COMMD5: variants seen among roughly 807,000 people sequenced by gnomAD.
The protein encoded by COMMD5 is COMM domain-containing protein 5.
In COMMD5, 10 loss-of-function variants were observed where a neutral mutation model predicts 6.9. The observed-to-expected ratio is 1.44, with a 90% confidence interval of 0.89 to 2.45. COMMD5 has a LOEUF of 2.45. Ranked by LOEUF, COMMD5 falls within the 30% of genes most tolerant of loss-of-function variation. The pLI, the probability that COMMD5 is intolerant of heterozygous loss-of-function variation, is 0.00. For missense variants in COMMD5, 234 were observed against 287.8 expected, an observed-to-expected ratio of 0.81 and a Z score of 1.35; for synonymous variants, 127 against 125.3, an observed-to-expected ratio of 1.01 and a Z score of -0.09.
At chr8:144,839,287 G>A (rs374592496), downstream of COMMD5, among the ~76,000 whole-genome samples, 4 of 152,322 alleles carry the variant, frequency 2.6e-5, no homozygotes, top group African/African-American at 7.2e-5. Flanking sequence ...GCCTCTTCAC[G>A]CCCTGTGGGC....
chr8:144,848,948 G>A (rs374786928), downstream of COMMD5, among the ~76,000 whole-genome samples: 7 of 152,284 alleles, frequency 4.6e-5, no homozygotes, highest in South Asian at 2.1e-4. Context: ...CTGGGTCCCC[G>A]CTTGAGACAA....
downstream of COMMD5, among the ~76,000 whole-genome samples, chr8:144,849,582 G>A (rs533835998): frequency 6.6e-6 from 1 of 152,140 alleles, no homozygotes; most frequent in African/African-American, 2.4e-5. Flanking sequence ...AGTGCTCCAC[G>A]GAGGCAGGAA....
At chr8:144,838,728 G>C (rs1441541783), downstream of COMMD5, 1 of 152,436 alleles carries the variant, frequency 6.6e-6, no homozygotes, top group Non-Finnish European at 1.5e-5. Context: ...GGATCACGAG[G>C]TCAGGAGATC....
chr8:144,842,283 A>G (rs1156320896), intron 1 of COMMD5: 1 of 1,614,048 alleles, frequency 6.2e-7, no homozygotes, highest in Non-Finnish European at 8.5e-7. Flanking sequence ...CTCAAATTCT[A>G]AAAGCCTCAG....
At chr8:144,844,273 A>AC (rs1012082326) in intron 1 of COMMD5, among the ~76,000 whole-genome samples, 160 of 151,158 alleles carry the variant, frequency 1.1e-3, no homozygotes, top group African/African-American at 3.4e-3. Context: ...GCAAGTACCA[A>AC]CCCCCCCATC....
intron 1 of COMMD5, chr8:144,841,895 C>T (rs372752942): frequency 2.1e-5 from 34 of 1,613,924 alleles, no homozygotes; most frequent in East Asian, 4.5e-5. Flanking sequence ...AGGCTCTGCT[C>T]GCAGCTTAAT....
chr8:144,843,247 CT>C, intron 1 of COMMD5: 2 of 1,433,884 alleles, frequency 1.4e-6, no homozygotes, highest in Non-Finnish European at 1.9e-6. Flanking sequence ...ATCGTTTATA[CT>C]GACAAACATG....
exon 2 of COMMD5, chr8:144,841,086 C>T (rs1041855953): frequency 6.7e-6 from 3 of 445,246 alleles, no homozygotes; most frequent in Non-Finnish European, 1.2e-5. Flanking sequence ...ACACCAGTGC[C>T]TGTAGGATGG....
chr8:144,844,807 AG>A (rs2130750508), intron 1 of COMMD5, among the ~76,000 whole-genome samples: 1 of 149,006 alleles, frequency 6.7e-6, no homozygotes, highest in Admixed American at 6.7e-5. Flanking sequence ...GGGTGATGAG[AG>A]GGAGTGGGGA....
At position 144,851,198 on chromosome 8, in the gene COMMD5, CG is replaced by C. The variant is rs776661156; in HGVS notation, c.140del (p.Thr47SerfsTer6). On this transcript the variant is annotated frameshift_variant, in exon 2 of 2. Transcript: ENST00000305103. LOFTEE classifies it low-confidence loss of function (END_TRUNC). ...ARLLGDLDRS[T>X]FRKLLKFVVS... ...CCACAAACTTCAGCAACTTTCTGAA[CG>C]TGCTCCTGTCTAGGTCCCCTAGTAG... is the stretch of plus-strand genomic sequence containing the variant. The C allele has an allele frequency of 1.2e-6, 2 of 1,613,902 alleles. No individual in the cohort carries two copies. Among genetic ancestry groups the C allele is most frequent in the Non-Finnish European group, 1.7e-6 (2 of 1,180,052 alleles).
chr8:144,843,316 G>A (rs1444739013), intron 1 of COMMD5: 5 of 1,052,838 alleles, frequency 4.7e-6, no homozygotes, highest in African/African-American at 3.2e-5. Context: ...CAGGCCGAGT[G>A]TGGTGGCTTA....
At chr8:144,843,386 G>A (rs537540021) in intron 1 of COMMD5, 76 of 488,966 alleles carry the variant, frequency 1.6e-4, no homozygotes, top group Non-Finnish European at 1.3e-4. Context: ...TCAGGAGGTT[G>A]AGACCATCCT....
chr8:144,850,431 G>A lies in COMMD5; in HGVS notation c.*233C>T. The A allele has an allele frequency of 1.9e-6, 1 of 534,972 alleles. No homozygotes were observed. Among genetic ancestry groups the A allele is most frequent in the Non-Finnish European group, 3.3e-6 (1 of 304,754 alleles). 33.1% of individuals were successfully genotyped at this position (534,972 alleles called of 1,614,324 possible). On this transcript the variant is annotated 3_prime_UTR_variant, in exon 2 of 2. Coordinates refer to ENST00000305103, the MANE Select transcript of COMMD5 (RefSeq NM_014066.4). The surrounding 1 kb of genome is among the most constrained non-coding windows in gnomAD (Gnocchi z 4.0). ...TGTACAGGGAAGGGGAGGGTGTGAG[G>A]TCCAACACTCACCTATAGAAACATG...
At chr8:144,838,352 C>G, downstream of COMMD5, 3 of 567,942 alleles carry the variant, frequency 5.3e-6, no homozygotes, top group Non-Finnish European at 9.5e-6. Flanking sequence ...AGGACTTCAG[C>G]CTATCTTGGG....
At chr8:144,844,271 C>A (rs1830353101) in intron 1 of COMMD5, among the ~76,000 whole-genome samples, 1 of 152,188 alleles carries the variant, frequency 6.6e-6, no homozygotes, top group African/African-American at 2.4e-5. Flanking sequence ...ATGCAAGTAC[C>A]AACCCCCCCA....
chr8:144,850,663 G>A lies in COMMD5; in HGVS notation c.*1C>T. The A allele has an allele frequency of 6.2e-7, 1 of 1,610,552 alleles. No homozygotes were observed. Among genetic ancestry groups the A allele is most frequent in the South Asian group, 1.1e-5 (1 of 90,964 alleles). Reference sequence around the variant, plus strand: ...CTGAATGGGACTGGTCAAGTGAGGGGTCAGTCCTGCAGTCTGCGCTCACAC... The same window carrying A: ...CTGAATGGGACTGGTCAAGTGAGGGATCAGTCCTGCAGTCTGCGCTCACAC... On this transcript the variant is annotated 3_prime_UTR_variant, in exon 2 of 2. Transcript: ENST00000305103. This position sits in a 1 kb window ranked among gnomAD's most constrained non-coding sequence, Gnocchi z 4.0.
downstream of COMMD5, among the ~76,000 whole-genome samples, chr8:144,850,009 G>A (rs1830664393): frequency 6.6e-6 from 1 of 151,884 alleles, no homozygotes. The surrounding 1 kb of genome is among the most constrained non-coding windows in gnomAD (Gnocchi z 4.0). Flanking sequence ...TCCCCACACT[G>A]GCCGCCTGAG....
chr8:144,842,982 A>G (rs1454780587), intron 1 of COMMD5: 1 of 1,614,110 alleles, frequency 6.2e-7, no homozygotes, highest in African/African-American at 1.3e-5. Flanking sequence ...TGAGCCGTAA[A>G]AAGGTTAATA....
chr8:144,842,967 C>T (rs1214248682), intron 1 of COMMD5: 2 of 1,614,078 alleles, frequency 1.2e-6, no homozygotes, highest in African/African-American at 1.3e-5. Flanking sequence ...AAGGGTCCAC[C>T]TTTGTGAGCC....
Sources: gnomAD v4.1 joint callset for allele counts (sites outside exome capture counted in the v4.1 genomes callset) on GRCh38, gnomAD v4.1.1 for gene constraint, Gnocchi (gnomAD v3.1) non-coding constraint, MANE v1.5 for transcripts, NCBI Gene and HGNC (gene_info 2026-07-23, HGNC 2026-07-21) for gene names.